Variants in KAT2B observed in about 807,000 individuals in gnomAD.
The protein encoded by KAT2B is histone acetyltransferase KAT2B.
A neutral mutation model predicts 105.9 loss-of-function variants in KAT2B; 36 were observed. The observed-to-expected ratio is 0.34, with a 90% CI of 0.26 to 0.45. KAT2B has a LOEUF of 0.45. Among genes scored for constraint, KAT2B ranks in the 20% least tolerant of loss-of-function variants. The pLI is 1.00. For synonymous variants in KAT2B, 397 were observed against 377.9 expected (o/e 1.05, Z -0.59); for missense variants, 820 against 1,021.6 (o/e 0.80, Z 2.69).
At position 20,140,263 on chromosome 3, in the gene KAT2B, G is replaced by A. The variant is rs970292929; in HGVS notation, c.1903G>A (p.Gly635Ser). ...TAAAATACCTAAAACCAAATATGTT[G>A]GCTATATCAAGGATTATGAAGGAGC... ...EIKIPKTKYV[G>S]YIKDYEGATL... The change falls in exon 13 of 18, where the codon GGC becomes AGC. Residue 635 changes from glycine to serine, a missense_variant. Gly to Ser is a moderately conservative substitution (Grantham distance 56, BLOSUM62 0). This residue lies in a region of KAT2B where 227 missense variants were observed against 292.9 expected (regional missense o/e 0.77). Transcript: ENST00000263754. The A allele has an allele frequency of 7.4e-6, 12 of 1,610,786 alleles. No homozygotes were observed. Among genetic ancestry groups the A allele is most frequent in the Non-Finnish European group, 1.0e-5 (12 of 1,177,174 alleles).
chr3:20,144,766 T>A (rs757573083), intron 13 of KAT2B, among the ~76,000 whole-genome samples: 13 of 151,716 alleles, frequency 8.6e-5, no homozygotes, highest in Non-Finnish European at 1.5e-4. Context: ...ATGCTGTAAG[T>A]ATAAAATCCT....
chr3:20,104,555 T>C (rs1698965543), intron 5 of KAT2B, among the ~76,000 whole-genome samples: 1 of 152,170 alleles, frequency 6.6e-6, no homozygotes, highest in South Asian at 2.1e-4. Context: ...GTAATATTAC[T>C]GGCTGCAGGC....
chr3:20,121,392 A>T (rs1029547748), intron 8 of KAT2B, among the ~76,000 whole-genome samples: 1 of 152,226 alleles, frequency 6.6e-6, no homozygotes, highest in African/African-American at 2.4e-5. Flanking sequence ...AAATAAATAC[A>T]TGTTATGTCT....
At chr3:20,058,226 G>T (rs1179051489) in intron 1 of KAT2B, among the ~76,000 whole-genome samples, 2 of 152,030 alleles carry the variant, frequency 1.3e-5, no homozygotes, top group African/African-American at 4.8e-5. Context: ...GGGAGGCCAC[G>T]GCAGGCAGAT....
intron 10 of KAT2B, 141 bp downstream of exon 10, chr3:20,126,254 G>A: frequency 1.5e-6 from 1 of 680,072 alleles, no homozygotes; most frequent in Non-Finnish European, 2.5e-6. Context: ...TCACCAAGCT[G>A]ATTTTCATGT....
At chr3:20,070,512 G>C (rs1269497440) in intron 1 of KAT2B, among the ~76,000 whole-genome samples, 6 of 150,560 alleles carry the variant, frequency 4.0e-5, no homozygotes, top group African/African-American at 1.5e-4. Flanking sequence ...CACCATGTTA[G>C]CCAGGGTAAT....
Position 20,064,807 on chromosome 3 carries a change from A to G in KAT2B, c.304-7526A>G, listed in dbSNP as rs142347132. Among the ~76,000 whole-genome samples the G allele has an allele frequency of 2.8e-3, 434 of 152,338 alleles. 6 individuals carry two copies. Among genetic ancestry groups the G allele is most frequent in the African/African-American group, 3.6e-3 (150 of 41,574 alleles). On this transcript the variant is annotated intron_variant, in intron 1 of 17. Coordinates refer to ENST00000263754, the MANE Select transcript of KAT2B (RefSeq NM_003884.5). ...GTTATACTGAATAAATTTTCCATCA[A>G]CGTGTTCTTGCTGTGGGACATCCTT... is the stretch of plus-strand genomic sequence containing the variant.
At chr3:20,046,398 A>C (rs562216771) in intron 1 of KAT2B, among the ~76,000 whole-genome samples, 1 of 152,160 alleles carries the variant, frequency 6.6e-6, no homozygotes, top group Admixed American at 6.5e-5. Context: ...CCTGGGCAAC[A>C]TGGTGAAACC....
At chr3:20,067,263 A>G (rs1223161000) in intron 1 of KAT2B, among the ~76,000 whole-genome samples, 1 of 152,226 alleles carries the variant, frequency 6.6e-6, no homozygotes, top group Non-Finnish European at 1.5e-5. Context: ...ATTGTATGGT[A>G]GAATTCATTA....
At chr3:20,087,901 A>G (rs1160524175) in intron 2 of KAT2B, among the ~76,000 whole-genome samples, 1 of 152,118 alleles carries the variant, frequency 6.6e-6, no homozygotes, top group Non-Finnish European at 1.5e-5. Context: ...TAGGTTGCTA[A>G]GTAACTAGGG....
chr3:20,115,296 G>T (rs1559319794), intron 7 of KAT2B, among the ~76,000 whole-genome samples: 1 of 152,158 alleles, frequency 6.6e-6, no homozygotes, highest in South Asian at 2.1e-4. Context: ...TCCCTGTGGG[G>T]CAGGGCATCC....
chr3:20,043,728 TA>T (rs5847040), intron 1 of KAT2B, among the ~76,000 whole-genome samples: 51,867 of 127,306 alleles, frequency 0.41, 8,983 homozygotes, highest in Middle Eastern at 0.47. Flanking sequence ...TTGCTTTTTT[TA>T]AAAAAAAAAA....
In KAT2B at chr3:20,075,924, ATT is replaced by A. The variant is rs1310710380; in HGVS notation, c.430+3471_430+3472del. Among the ~76,000 whole-genome samples the A allele has an allele frequency of 3.3e-3, 492 of 150,638 alleles. 4 individuals carry two copies. The highest frequency in any genetic ancestry group is 0.011 in the African/African-American group (471 of 41,012). On this transcript the variant is annotated intron_variant, in intron 2 of 17. Transcript: ENST00000263754. ...TCCCATCTCAAAAAAAAAAAAAAAA[ATT>A]TTTTTCATACGGCTTTATCTCTACA... is the stretch of plus-strand genomic sequence containing the variant.
chr3:20,098,170 C>T (rs1404063249), intron 3 of KAT2B, among the ~76,000 whole-genome samples: 1 of 151,692 alleles, frequency 6.6e-6, no homozygotes, highest in African/African-American at 2.4e-5. Context: ...GCAGAGGTTG[C>T]CATGAGCTGA....
chr3:20,073,357 G>C (rs192142444), intron 2 of KAT2B, among the ~76,000 whole-genome samples: 202 of 152,246 alleles, frequency 1.3e-3, no homozygotes, highest in African/African-American at 4.5e-3. Context: ...CATTATAAGT[G>C]GGTGACTTCT....
At chr3:20,138,997 G>C (rs528469246) in intron 12 of KAT2B, among the ~76,000 whole-genome samples, 1 of 152,066 alleles carries the variant, frequency 6.6e-6, no homozygotes, top group Non-Finnish European at 1.5e-5. Context: ...GGGCTCAGGC[G>C]ATCCTCCTGC....
At position 20,092,768 on chromosome 3, in the gene KAT2B, G is replaced by A. The variant is rs186087891; in HGVS notation, c.431-2495G>A. Among the ~76,000 whole-genome samples the A allele has an allele frequency of 6.3e-3, 953 of 151,898 alleles. 1 individual carries two copies. Among genetic ancestry groups the A allele is most frequent in the Non-Finnish European group, 0.01 (710 of 67,922 alleles). Reference sequence around the variant, plus strand: ...CTAGGCTGGAGTGCACTGGTGTGATGTCGGCTCACTGCAATCTCCGCCTCC... The same window carrying A: ...CTAGGCTGGAGTGCACTGGTGTGATATCGGCTCACTGCAATCTCCGCCTCC... On this transcript the variant is annotated intron_variant, in intron 2 of 17. Transcript: ENST00000263754.
intron 2 of KAT2B, among the ~76,000 whole-genome samples, chr3:20,082,261 C>G (rs1698533306): frequency 6.6e-6 from 1 of 152,102 alleles, no homozygotes; most frequent in African/African-American, 2.4e-5. Context: ...TCTCGAACTA[C>G]TGACCTCAAA....
chr3:20,090,073 AGTTT>A (rs1318548877), intron 2 of KAT2B, among the ~76,000 whole-genome samples: 15 of 151,366 alleles, frequency 9.9e-5, no homozygotes, highest in Non-Finnish European at 2.1e-4. Context: ...AACTTTACTG[AGTTT>A]GTTTATTAGT....
Sources: allele counts gnomAD v4.1 joint callset (sites outside exome capture counted in the v4.1 genomes callset), GRCh38; gene constraint gnomAD v4.1.1; regional missense constraint gnomAD v4.1.1; transcripts MANE v1.5; gene names NCBI Gene and HGNC (gene_info 2026-07-23, HGNC 2026-07-21).